SOWAHC: variants seen among roughly 807,000 people sequenced by gnomAD.
The protein encoded by SOWAHC is sosondowah ankyrin repeat domain family member C, also known as ankyrin repeat domain-containing protein SOWAHC.
A neutral mutation model predicts 14.4 loss-of-function variants in SOWAHC; 12 were observed. The ratio of observed to expected loss-of-function variants is 0.83; its 90% confidence interval spans 0.53 to 1.35. The LOEUF (loss-of-function observed/expected upper bound fraction) is 1.35. Among genes scored for constraint, SOWAHC ranks in the 40% most tolerant of loss-of-function variants. The probability of loss-of-function intolerance (pLI) is 0.00; values close to 1 mark genes in which losing one functional copy is unlikely to be tolerated. For synonymous variants in SOWAHC, 398 were observed against 347.0 expected (o/e 1.15, Z -1.63); for missense variants, 771 against 752.8 (o/e 1.02, Z -0.28).
At position 109,614,398 on chromosome 2, in the gene SOWAHC, G is replaced by A; in HGVS notation, c.-92G>A. On this transcript the variant is annotated 5_prime_UTR_variant, in exon 1 of 1. Coordinates refer to ENST00000356454, the MANE Select transcript of SOWAHC (RefSeq NM_023016.4). The stretch of plus-strand genomic sequence containing the variant: ...GGCTGGCAGCCCGCTGAGCCCGCCA[G>A]ACTCCGCCGCCGTCGGGAGCCGGCC... The A allele has an allele frequency of 1.0e-6, 1 of 1,003,418 alleles. No homozygotes were observed. The highest frequency in any genetic ancestry group is 1.3e-6 in the Non-Finnish European group (1 of 790,004). 62.2% of individuals were successfully genotyped at this position (1,003,418 alleles called of 1,614,324 possible).
rs1425766925 is a variant in SOWAHC, at chr2:109,614,700, G to A, written c.211G>A (p.Ala71Thr). ...CGTGGCCACTGTGCGCGTCGATCCC[G>A]CCGACGGCGCCAAGTACGTGCACCT... ...NAVATVRVDP[A>T]DGAKYVHLKK... Residue 71 changes from alanine to threonine, a missense_variant, in exon 1 of 1, where the codon GCC becomes ACC. Transcript: ENST00000356454. 2.7e-6 allele frequency: 4 copies of A among 1,488,180 alleles called. No individual in the cohort carries two copies. Among genetic ancestry groups the A allele is most frequent in the African/African-American group, 2.9e-5 (2 of 68,528 alleles). The allele number at this position is 1,488,180 out of a possible 1,614,324, so 92.2% of individuals were successfully genotyped here. A position where few individuals can be genotyped will look rare whatever the true frequency, so the allele number is the denominator to read the frequency against.
Position 109,615,014 on chromosome 2 carries a change from C to T in SOWAHC, c.525C>T (p.Asp175=), listed in dbSNP as rs751818398. ...CTCCAGCCCCGGGGCCCAGCGAGGA[C>T]CTGGAGCTCCCGCCACATGGCTGCG... ...PRTPAPGPSE[D]LELPPHGCEE... is the part of the protein sequence containing the mutation. The change falls in exon 1 of 1, where the codon GAC becomes GAT. Residue 175 remains aspartate (D), a synonymous_variant. Coordinates refer to ENST00000356454, the MANE Select transcript of SOWAHC (RefSeq NM_023016.4). The T allele has an allele frequency of 9.4e-5, 146 of 1,545,928 alleles. 1 individual carries two copies. The African/African-American group carries it at 1.2e-3, about 13-fold the overall frequency.
rs537681789 is a variant in SOWAHC, at chr2:109,617,230, C to T, written c.*1163C>T. ...CTTTTCTTGACAATTAGATACCTAT[C>T]CTGTAGTTACTGAAAATCTGGGTAG... On this transcript the variant is annotated 3_prime_UTR_variant, in exon 1 of 1. Coordinates refer to ENST00000356454, the MANE Select transcript of SOWAHC (RefSeq NM_023016.4). 1 of 166,850 alleles carries T rather than the reference C, an allele frequency of 6.0e-6. No individual in the cohort carries two copies. Among genetic ancestry groups the T allele is most frequent in the South Asian group, 2.1e-4 (1 of 4,826 alleles). 10.3% of individuals were successfully genotyped at this position (166,850 alleles called of 1,614,324 possible).
Position 109,616,013 on chromosome 2 carries a change from T to A in SOWAHC, c.1524T>A (p.Pro508=), listed in dbSNP as rs1226418940. Residue 508 remains proline, a synonymous_variant, in exon 1 of 1, where the codon CCT becomes CCA. Transcript: ENST00000356454. Reference sequence around the variant, plus strand: ...AGGAGGGAGTGGGGGAGGAACGACCTGTTAAAGGCCACTCGCCCTTCACAT... The same window carrying A: ...AGGAGGGAGTGGGGGAGGAACGACCAGTTAAAGGCCACTCGCCCTTCACAT... ...RGEEGVGEER[P]VKGHSPFTLR... is the part of the protein sequence containing the mutation. 6.5e-7 allele frequency: 1 copy of A among 1,527,324 alleles called. No homozygotes were observed. The highest frequency in any genetic ancestry group is 2.3e-5 in the East Asian group (1 of 44,210). 94.6% of individuals were successfully genotyped at this position (1,527,324 alleles called of 1,614,324 possible). A position where few individuals can be genotyped will look rare whatever the true frequency, so the allele number is the denominator to read the frequency against.
At position 109,615,223 on chromosome 2, in the gene SOWAHC, C is replaced by T. The variant is rs1274983843; in HGVS notation, c.734C>T (p.Ala245Val). The T allele has an allele frequency of 6.5e-7, 1 of 1,547,132 alleles. No individual in the cohort carries two copies. The highest frequency in any genetic ancestry group is 1.2e-5 in the South Asian group (1 of 83,992). ...AGAGGCGGGGGCGACTCAGACAGCGCATCGGTGGCCTCGTCGTCCGCGGAG... is the reference window on the plus strand; with the variant it reads ...AGAGGCGGGGGCGACTCAGACAGCGTATCGGTGGCCTCGTCGTCCGCGGAG... ...RGRGGGDSDS[A>V]SVASSSAEEE... Residue 245 changes from alanine to valine, a missense_variant, in exon 1 of 1, where the codon GCA becomes GTA. Physicochemically the swap from Ala to Val is moderately conservative, Grantham distance 64. Transcript: ENST00000356454.
Position 109,615,731 on chromosome 2 carries a change from G to T in SOWAHC, c.1242G>T (p.Arg414Ser). Residue 414 changes from arginine (R) to serine (S), a missense_variant, in exon 1 of 1, where the codon AGG becomes AGT. By Grantham distance (110) the Arg-to-Ser change is moderately radical. Coordinates refer to ENST00000356454, the MANE Select transcript of SOWAHC (RefSeq NM_023016.4). ...CGGGTAGCGGCGGCGGGCGCTGGAGGCTTTCAAAGGTGCTTCCCTCGCATC... is the reference window on the plus strand; with the variant it reads ...CGGGTAGCGGCGGCGGGCGCTGGAGTCTTTCAAAGGTGCTTCCCTCGCATC... ...SAAGSGGGRW[R>S]LSKVLPSHLI... 1 of 1,613,936 alleles carries T rather than the reference G, an allele frequency of 6.2e-7. No homozygotes were observed. The highest frequency in any genetic ancestry group is 1.3e-5 in the African/African-American group (1 of 75,050).
rs1195514520 is a variant in SOWAHC, at chr2:109,614,689, G to T, written c.200G>T (p.Arg67Leu). ...CTGGTGAACGCCGTGGCCACTGTGC[G>T]CGTCGATCCCGCCGACGGCGCCAAG... ...KELVNAVATV[R>L]VDPADGAKYV... The change falls in exon 1 of 1, where the codon CGC becomes CTC. Residue 67 changes from arginine (R) to leucine (L), a missense_variant. Physicochemically the swap from Arg to Leu is moderately radical, Grantham distance 102. Transcript: ENST00000356454. The T allele has an allele frequency of 6.7e-7, 1 of 1,487,846 alleles. No homozygotes were observed. Among genetic ancestry groups the T allele is most frequent in the East Asian group, 2.9e-5 (1 of 34,298 alleles). 92.2% of individuals were successfully genotyped at this position (1,487,846 alleles called of 1,614,324 possible).
chr2:109,616,261 C>CGG lies in SOWAHC; in HGVS notation c.*194_*195insGG. 1 of 836,372 alleles carries CGG rather than the reference C, an allele frequency of 1.2e-6. No individual in the cohort carries two copies. 51.8% of individuals were successfully genotyped at this position (836,372 alleles called of 1,614,324 possible). A position where few individuals can be genotyped will look rare whatever the true frequency, so the allele number is the denominator to read the frequency against. On this transcript the variant is annotated 3_prime_UTR_variant, in exon 1 of 1. Transcript: ENST00000356454. ...ATGTCTTTTTCAGAGATTCATCATA[C>CGG]CTTGACCTGTACCTCTTCTCTGCCC...
chr2:109,614,928 C>G lies in SOWAHC; in HGVS notation c.439C>G (p.Pro147Ala). 2 of 1,503,658 alleles carry G rather than the reference C, an allele frequency of 1.3e-6. No individual in the cohort carries two copies. Among genetic ancestry groups the G allele is most frequent in the Non-Finnish European group, 1.8e-6 (2 of 1,132,380 alleles). 93.1% of individuals were successfully genotyped at this position (1,503,658 alleles called of 1,614,324 possible). The change falls in exon 1 of 1, where the codon CCC becomes GCC. Residue 147 changes from proline (P) to alanine (A), a missense_variant. Pro to Ala is a conservative substitution (Grantham distance 27). Transcript: ENST00000356454. Reference protein sequence around the residue: ...GEPPAPAHWPPLSAGARRKNS... With the variant: ...GEPPAPAHWPALSAGARRKNS... ...GCCCCCCGCCCCCGCGCACTGGCCG[C>G]CCCTGAGCGCCGGGGCTCGCAGGAA...
Position 109,616,093 on chromosome 2 carries a change from AG to A in SOWAHC, c.*28del, listed in dbSNP as rs1700145672. ...AAATTGCTTCTTTTAGAAAATGCAAAGGTTTATTTGTCTTAATAAATTGAAT... is the reference window on the plus strand; with the variant it reads ...AAATTGCTTCTTTTAGAAAATGCAAAGTTTATTTGTCTTAATAAATTGAAT... On this transcript the variant is annotated 3_prime_UTR_variant, in exon 1 of 1. Coordinates refer to ENST00000356454, the MANE Select transcript of SOWAHC (RefSeq NM_023016.4). 2 of 1,481,468 alleles carry A rather than the reference AG, an allele frequency of 1.4e-6. No individual in the cohort carries two copies. Among genetic ancestry groups the A allele is most frequent in the African/African-American group, 2.8e-5 (2 of 71,086 alleles). The allele number at this position is 1,481,468 out of a possible 1,614,324, so 91.8% of individuals were successfully genotyped here.
chr2:109,617,890 G>T lies in SOWAHC; in HGVS notation c.*1823G>T, dbSNP rs567035416. On this transcript the variant is annotated 3_prime_UTR_variant, in exon 1 of 1. Transcript: ENST00000356454. Reference sequence around the variant, plus strand: ...AAAAATTAGCCGAGCGTGGTGGTGCGTGCCTGTAGTCCCAGCTACTTAGGA... The same window carrying T: ...AAAAATTAGCCGAGCGTGGTGGTGCTTGCCTGTAGTCCCAGCTACTTAGGA... 6.2e-6 allele frequency: 1 copy of T among 160,848 alleles called. No individual in the cohort carries two copies. Among genetic ancestry groups the T allele is most frequent in the South Asian group, 2.1e-4 (1 of 4,802 alleles). The allele number at this position is 160,848 out of a possible 1,614,324, so 10.0% of individuals were successfully genotyped here.
chr2:109,616,622 G>A lies in SOWAHC; in HGVS notation c.*555G>A, dbSNP rs1002034456. On this transcript the variant is annotated 3_prime_UTR_variant, in exon 1 of 1. Transcript: ENST00000356454. ...AAAAATACTAATTAGAGAATAATGT[G>A]AATAAAATGGGAATCTTCTTGGTAT... The A allele has an allele frequency of 3.6e-5, 6 of 167,070 alleles. No individual in the cohort carries two copies. Among genetic ancestry groups the A allele is most frequent in the African/African-American group, 1.4e-4 (6 of 41,458 alleles). The allele number at this position is 167,070 out of a possible 1,614,324, so 10.3% of individuals were successfully genotyped here.
Position 109,615,181 on chromosome 2 carries a change from C to T in SOWAHC, c.692C>T (p.Ser231Phe), listed in dbSNP as rs1700071074. 1 of 1,548,856 alleles carries T rather than the reference C, an allele frequency of 6.5e-7. No homozygotes were observed. The highest frequency in any genetic ancestry group is 2.4e-5 in the East Asian group (1 of 40,892). The change falls in exon 1 of 1, where the codon TCC becomes TTC. Residue 231 changes from serine (S) to phenylalanine (F), a missense_variant. Transcript: ENST00000356454. ...GGGGGCAGCAGCCCGGGCAGCTCCT[C>T]CGGGGGAGGACGCGGCAGAGGCGGG... ...CPGGSSPGSS[S>F]GGGRGRGGGD...
At position 109,614,804 on chromosome 2, in the gene SOWAHC, C is replaced by A. The variant is rs1240884487; in HGVS notation, c.315C>A (p.Ala105=). The change falls in exon 1 of 1, where the codon GCC becomes GCA. Residue 105 remains alanine, a synonymous_variant. Transcript: ENST00000356454. The stretch of plus-strand genomic sequence containing the variant: ...TCCAGGTGACCGCCGAGCCCGAGGC[C>A]CCCGACGGCCCTGCCGGGCCCGAGG... The part of the protein sequence containing the change: ...PRIQVTAEPE[A]PDGPAGPEAR... The A allele has an allele frequency of 4.1e-6, 6 of 1,466,648 alleles. No individual in the cohort carries two copies. Among genetic ancestry groups the A allele is most frequent in the Non-Finnish European group, 3.6e-6 (4 of 1,114,694 alleles). The allele number at this position is 1,466,648 out of a possible 1,614,324, so 90.9% of individuals were successfully genotyped here. A position where few individuals can be genotyped will look rare whatever the true frequency, so the allele number is the denominator to read the frequency against.
In SOWAHC at chr2:109,615,071, G is replaced by A. The variant is rs768666233; in HGVS notation, c.582G>A (p.Gly194=). The change falls in exon 1 of 1, where the codon GGG becomes GGA. Residue 194 remains glycine (G), a synonymous_variant. Coordinates refer to ENST00000356454, the MANE Select transcript of SOWAHC (RefSeq NM_023016.4). ...EEADRGSSLV[G]ATAQRPARQN... The stretch of plus-strand genomic sequence containing the variant: ...CGGACAGGGGCAGCTCCCTTGTGGG[G>A]GCTACCGCACAGAGGCCGGCCCGCC... 3 of 1,549,338 alleles carry A rather than the reference G, an allele frequency of 1.9e-6. No individual in the cohort carries two copies. The highest frequency in any genetic ancestry group is 2.6e-6 in the Non-Finnish European group (3 of 1,146,782).
chr2:109,618,908 C>T lies in SOWAHC; in HGVS notation c.*2841C>T, dbSNP rs1337163870. On this transcript the variant is annotated 3_prime_UTR_variant, in exon 1 of 1. Coordinates refer to ENST00000356454, the MANE Select transcript of SOWAHC (RefSeq NM_023016.4). ...TCTTGGAGTCTAGGTTGCCTTGTCT[C>T]TCCTATTTTTAAATAAGTGAAATTT... The T allele has an allele frequency of 6.0e-6, 1 of 167,002 alleles. No individual in the cohort carries two copies. The highest frequency in any genetic ancestry group is 2.4e-5 in the African/African-American group (1 of 41,422). 10.3% of individuals were successfully genotyped at this position (167,002 alleles called of 1,614,324 possible). A position where few individuals can be genotyped will look rare whatever the true frequency, so the allele number is the denominator to read the frequency against.
Position 109,616,660 on chromosome 2 carries a change from G to A in SOWAHC, c.*593G>A, listed in dbSNP as rs889611504. 2 of 167,000 alleles carry A rather than the reference G, an allele frequency of 1.2e-5. No individual in the cohort carries two copies. Among genetic ancestry groups the A allele is most frequent in the Non-Finnish European group, 2.9e-5 (2 of 68,116 alleles). The allele number at this position is 167,000 out of a possible 1,614,324, so 10.3% of individuals were successfully genotyped here. On this transcript the variant is annotated 3_prime_UTR_variant, in exon 1 of 1. Transcript: ENST00000356454. ...ATCTTCTTGGTATTTTATGTGTATT[G>A]TAAGTAGCAGTTAAATTATTTTTTT... is the stretch of plus-strand genomic sequence containing the variant.
rs1245229727 is a variant in SOWAHC at position 109,615,345 on chromosome 2, T to C, written c.856T>C (p.Leu286=). 1 of 1,612,424 alleles carries C rather than the reference T, an allele frequency of 6.2e-7. No homozygotes were observed. The highest frequency in any genetic ancestry group is 1.1e-5 in the South Asian group (1 of 90,984). Residue 286 remains leucine, a synonymous_variant, in exon 1 of 1, where the codon TTG becomes CTG. Transcript: ENST00000356454. ...TGGCAAGTGGGACAGCCTGGAGGGC[T>C]TGCTCACCTGCGAGCCCGGCCTGCT... The part of the protein sequence containing the change: ...SDGKWDSLEG[L]LTCEPGLLVK...
Position 109,618,733 on chromosome 2 carries a change from T to C in SOWAHC, c.*2666T>C, listed in dbSNP as rs911865681. ...TTAGATGTTTATTGATATGAGACTA[T>C]GTGGTTAAAAAACCCAAGTATGTCC... On this transcript the variant is annotated 3_prime_UTR_variant, in exon 1 of 1. Transcript: ENST00000356454. 1.2e-5 allele frequency: 2 copies of C among 167,050 alleles called. No homozygotes were observed. Among genetic ancestry groups the C allele is most frequent in the African/African-American group, 4.8e-5 (2 of 41,464 alleles). The allele number at this position is 167,050 out of a possible 1,614,324, so 10.3% of individuals were successfully genotyped here.
Sources: gnomAD v4.1 joint callset for allele counts on GRCh38, gnomAD v4.1.1 for gene constraint, MANE v1.5 for transcripts, NCBI Gene and HGNC (gene_info 2026-07-23, HGNC 2026-07-21) for gene names.